Variants in NTN4 observed in about 807,000 individuals in gnomAD.
NTN4 encodes the protein netrin 4, also known as netrin-4.
Under a neutral mutation model 73.6 loss-of-function variants are expected in NTN4, and 32 were observed. The observed-to-expected ratio is 0.44, with a 90% CI of 0.33 to 0.58. The LOEUF (loss-of-function observed/expected upper bound fraction) is 0.58, where lower values mean the gene tolerates loss of function less well. NTN4 is among the 20% of genes least tolerant of loss of function. The pLI is 0.04. For missense variants in NTN4, 654 were observed against 798.3 expected (o/e 0.82, Z 2.18); for synonymous variants, 258 against 287.5 (o/e 0.90, Z 1.04).
intron 5 of NTN4, among the ~76,000 whole-genome samples, chr12:95,692,041 CT>C (rs565532537): frequency 6.6e-6 from 1 of 151,924 alleles, no homozygotes; most frequent in East Asian, 1.9e-4. Flanking sequence ...TGAATAGTAC[CT>C]TTTTTTGGGG....
Position 95,781,617 on chromosome 12 carries a change from G to T in NTN4, c.585+5322C>A, listed in dbSNP as rs116305282. Among the ~76,000 whole-genome samples the T allele has an allele frequency of 0.014, 2,163 of 151,950 alleles. 59 individuals carry two copies. The highest frequency in any genetic ancestry group is 0.049 in the African/African-American group (2,029 of 41,418). ...ACATGTACCCCTGCACTTAAAAGTT[G>T]GAAGAAAAAAGTTGTTAAGCTTGAT... On this transcript the variant is annotated intron_variant, in intron 2 of 9. Coordinates refer to ENST00000343702, the MANE Select transcript of NTN4 (RefSeq NM_021229.4). The surrounding 1 kb of genome is among the most constrained non-coding windows in gnomAD (Gnocchi z 4.1).
chr12:95,717,430 T>C (rs1032236091), intron 3 of NTN4, among the ~76,000 whole-genome samples: 2 of 152,122 alleles, frequency 1.3e-5, no homozygotes, highest in African/African-American at 4.8e-5. Flanking sequence ...ATGCCAAGGA[T>C]TGGGATGAAC....
At chr12:95,740,804 C>T (rs930724030) in intron 2 of NTN4, among the ~76,000 whole-genome samples, 1 of 152,120 alleles carries the variant, frequency 6.6e-6, no homozygotes, top group African/African-American at 2.4e-5. Context: ...TTCCAAGTCA[C>T]TAAGTGTATC....
At chr12:95,763,135 ACT>A (rs2079000034) in intron 2 of NTN4, among the ~76,000 whole-genome samples, 1 of 152,188 alleles carries the variant, frequency 6.6e-6, no homozygotes, top group Non-Finnish European at 1.5e-5. Context: ...AGGCACTGAG[ACT>A]CTGGATACAA....
rs1051390341 is a variant in NTN4, at chr12:95,677,178, G to A, written c.1510+5529C>T. Among the ~76,000 whole-genome samples, 4 of 151,892 alleles carry A rather than the reference G, an allele frequency of 2.6e-5. No individual in the cohort carries two copies. In the East Asian group the frequency reaches 5.8e-4, roughly 22 times the overall value. ...CGGGAGGCAGAGGTTGCAGTGAGCC[G>A]AGATTGCACCACTGCACTCCAGCCT... On this transcript the variant is annotated intron_variant, in intron 7 of 9. Coordinates refer to ENST00000343702, the MANE Select transcript of NTN4 (RefSeq NM_021229.4).
chr12:95,673,011 A>C (rs2078245564), intron 7 of NTN4: 3 of 1,359,782 alleles, frequency 2.2e-6, no homozygotes, highest in Admixed American at 3.4e-5. Flanking sequence ...TGGGGGATGA[A>C]GGGACCCTGT....
At chr12:95,710,784 A>AC (rs999172821) in intron 4 of NTN4, among the ~76,000 whole-genome samples, 155 bp from the exon 5 acceptor site, 2 of 152,112 alleles carry the variant, frequency 1.3e-5, no homozygotes, top group African/African-American at 4.8e-5. Flanking sequence ...CAGGTGGATC[A>AC]CCTGAGGCCA....
At chr12:95,741,355 T>C (rs963473195) in intron 2 of NTN4, among the ~76,000 whole-genome samples, 1 of 143,680 alleles carries the variant, frequency 7.0e-6, no homozygotes, top group Non-Finnish European at 1.5e-5. Context: ...TTATATATAA[T>C]TCATTTATAA....
rs973873204 is a variant in NTN4, at chr12:95,790,342, C to A, written c.-33G>T. 3.3e-6 allele frequency: 5 copies of A among 1,516,214 alleles called. No individual in the cohort carries two copies. The highest frequency in any genetic ancestry group is 2.1e-5 in the Admixed American group (1 of 48,542). 93.9% of individuals were successfully genotyped at this position (1,516,214 alleles called of 1,614,324 possible). ...AGGAGCCGGGAGCAGCCGGGCCGGG[C>A]GGGTGCCGGAGGGAGCCGAGACCTC... On this transcript the variant is annotated 5_prime_UTR_variant, in exon 1 of 10. Transcript: ENST00000343702. This position sits in a 1 kb window ranked among gnomAD's most constrained non-coding sequence, Gnocchi z 6.5.
At position 95,790,116 on chromosome 12, in the gene NTN4, G is replaced by A. The variant is rs565013038; in HGVS notation, c.55+139C>T. On this transcript the variant is annotated intron_variant, in intron 1 of 9. Transcript: ENST00000343702. This position sits in a 1 kb window ranked among gnomAD's most constrained non-coding sequence, Gnocchi z 6.5. ...AACTGCGGAGCCCCGGGGAAAGGAGGCGGAACATGGCCACTCATTTCACCC... is the reference window on the plus strand; with the variant it reads ...AACTGCGGAGCCCCGGGGAAAGGAGACGGAACATGGCCACTCATTTCACCC... 1.4e-4 allele frequency: 89 copies of A among 618,540 alleles called. 1 individual carries two copies. The South Asian group carries it at 1.7e-3, about 12-fold the overall frequency. The allele number at this position is 618,540 out of a possible 1,614,324, so 38.3% of individuals were successfully genotyped here.
chr12:95,761,326 C>CTTCTTTTT (rs2078985166), intron 2 of NTN4, among the ~76,000 whole-genome samples: 1 of 133,168 alleles, frequency 7.5e-6, no homozygotes, highest in Non-Finnish European at 1.5e-5. Flanking sequence ...AAGAGATATT[C>CTTCTTTTT]TTTTTTTTTT....
chr12:95,757,714 A>C (rs1269418096), intron 2 of NTN4, among the ~76,000 whole-genome samples: 1 of 147,988 alleles, frequency 6.8e-6, no homozygotes, highest in Non-Finnish European at 1.5e-5. Context: ...TCCGTGAGCA[A>C]TATGGGAAAA....
chr12:95,769,269 G>C (rs1013388971), intron 2 of NTN4, among the ~76,000 whole-genome samples: 1 of 152,064 alleles, frequency 6.6e-6, no homozygotes, highest in Admixed American at 6.6e-5. Flanking sequence ...AGAAGGACAG[G>C]GGGCAGTGGA....
chr12:95,749,557 G>T (rs2078888394), intron 2 of NTN4, among the ~76,000 whole-genome samples: 1 of 152,148 alleles, frequency 6.6e-6, no homozygotes, highest in Non-Finnish European at 1.5e-5. Context: ...GAGAGACAAA[G>T]GAGACACATT....
intron 2 of NTN4, among the ~76,000 whole-genome samples, chr12:95,785,739 T>G (rs1385798054): frequency 6.6e-6 from 1 of 152,196 alleles, no homozygotes; most frequent in African/African-American, 2.4e-5. Context: ...TACATGCTGA[T>G]TATACACAAC....
intron 2 of NTN4, among the ~76,000 whole-genome samples, chr12:95,765,333 C>T (rs1032507391): frequency 3.7e-4 from 56 of 152,152 alleles, no homozygotes; most frequent in African/African-American, 1.2e-3. Context: ...TCTATTATTG[C>T]CTGTCTAGGT....
chr12:95,712,506 T>C (rs751874084), intron 4 of NTN4, among the ~76,000 whole-genome samples: 13 of 152,222 alleles, frequency 8.5e-5, no homozygotes, highest in Non-Finnish European at 1.6e-4. Context: ...TGGGTAGTTT[T>C]GAGAACTGAA....
intron 2 of NTN4, among the ~76,000 whole-genome samples, chr12:95,763,900 C>T (rs888106072): frequency 6.6e-6 from 1 of 152,128 alleles, no homozygotes; most frequent in African/African-American, 2.4e-5. Flanking sequence ...TTTACATAGC[C>T]TCTTGAGCAC....
chr12:95,751,393 G>T (rs1247291688), intron 2 of NTN4, among the ~76,000 whole-genome samples: 1 of 151,048 alleles, frequency 6.6e-6, no homozygotes, highest in African/African-American at 2.5e-5. Context: ...ACTTCCAAAC[G>T]CCTGAACCGC....
Sources: gnomAD v4.1 joint callset for allele counts (sites outside exome capture counted in the v4.1 genomes callset) on GRCh38, gnomAD v4.1.1 for gene constraint, Gnocchi (gnomAD v3.1) non-coding constraint, MANE v1.5 for transcripts, NCBI Gene and HGNC (gene_info 2026-07-23, HGNC 2026-07-21) for gene names.